DNAH1: variants seen among roughly 807,000 people sequenced by gnomAD.
DNAH1 encodes axonemal beta dynein heavy chain 1.
DNAH1 carries 327 observed loss-of-function variants against 484.3 expected under a neutral mutation model. The ratio of observed to expected loss-of-function variants is 0.68; its 90% CI spans 0.62 to 0.74. The LOEUF (loss-of-function observed/expected upper bound fraction) is 0.74. DNAH1 is among the 30% of genes least tolerant of loss of function. The pLI, the probability that DNAH1 is intolerant of heterozygous loss-of-function variation, is 0.00. For missense variants in DNAH1, 5,052 were observed against 5,546.8 expected, an observed-to-expected ratio of 0.91 and a Z score of 2.83; for synonymous variants, 2,192 against 2,191.9, an observed-to-expected ratio of 1.00 and a Z score of 0.00.
In DNAH1 at chr3:52,350,015, C is replaced by A. The variant is rs1329275992; in HGVS notation, c.2553C>A (p.Ser851Arg). Residue 851 changes from serine (S) to arginine (R), a missense_variant, in exon 15 of 78, where the codon AGC (serine) becomes AGA (arginine). This residue lies in a region of DNAH1 where 1,263 missense variants were observed against 1,218.8 expected (regional missense o/e 1.04). Coordinates refer to ENST00000420323, the MANE Select transcript of DNAH1 (RefSeq NM_015512.5). Reference protein sequence around the residue: ...DSICEEFRSISRKIYEKPNSI... With the variant: ...DSICEEFRSIRRKIYEKPNSI... ...TCTGCGAGGAGTTCCGCAGCATCAG[C>A]CGCAAGATCTATGAGAAGCCCAACA... 1 of 1,612,540 alleles carries A rather than the reference C, an allele frequency of 6.2e-7. No homozygotes were observed. The highest frequency in any genetic ancestry group is 1.7e-5 in the Admixed American group (1 of 59,888).
At position 52,384,897 on chromosome 3, in the gene DNAH1, C is replaced by T. The variant is rs374543995; in HGVS notation, c.8434C>T (p.His2812Tyr). The T allele has an allele frequency of 2.8e-5, 45 of 1,613,528 alleles. No homozygotes were observed. The highest frequency in any genetic ancestry group is 3.6e-5 in the Non-Finnish European group (42 of 1,179,732). ...VTPKSYLELL[H>Y]IFSILIGQKK... ...CCCCAAGAGCTACTTGGAGCTGCTT[C>T]ATATTTTCTCCATCCTCATCGGGCA... The change falls in exon 53 of 78, where the codon CAT (histidine) becomes TAT (tyrosine). Residue 2812 changes from histidine (H) to tyrosine (Y), a missense_variant. Physicochemically the swap from His to Tyr is moderately conservative, Grantham distance 83. Around this residue, in one of 4 missense-constraint regions of DNAH1, gnomAD observed 2,929 missense variants for 3,409.4 expected, o/e 0.86. Coordinates refer to ENST00000420323, the MANE Select transcript of DNAH1 (RefSeq NM_015512.5).
rs377440957 is a variant in DNAH1 at position 52,373,004 on chromosome 3, G to A, written c.6936G>A (p.Leu2312=). 42 of 1,613,494 alleles carry A rather than the reference G, an allele frequency of 2.6e-5. No homozygotes were observed. The highest frequency in any genetic ancestry group is 3.6e-5 in the Non-Finnish European group (42 of 1,179,874). Residue 2312 remains leucine (L), a synonymous_variant, in exon 44 of 78, where the codon CTG becomes CTA. Coordinates refer to ENST00000420323, the MANE Select transcript of DNAH1 (RefSeq NM_015512.5). ...ETYGAQPPIE[L]LRQWMDHGGW... is the part of the protein sequence containing the mutation. ...ACGGTGCACAGCCACCCATCGAGCT[G>A]TTGCGCCAGTGGATGGACCACGGCG...
chr3:52,336,488 A>G (rs1701747180), intron 8 of DNAH1, among the ~76,000 whole-genome samples: 1 of 152,138 alleles, frequency 6.6e-6, no homozygotes. Flanking sequence ...TAGGAGGTGG[A>G]GGTTGCAGTG....
Position 52,397,018 on chromosome 3 carries a change from C to T in DNAH1, c.11761C>T (p.Gln3921Ter). The T allele has an allele frequency of 6.2e-7, 1 of 1,609,120 alleles. No homozygotes were observed. The highest frequency in any genetic ancestry group is 8.5e-7 in the Non-Finnish European group (1 of 1,177,870). Residue 3921 changes from glutamine (Q) to a stop codon, truncating the protein, a stop_gained, in exon 73 of 78, where the codon CAG becomes TAG. Transcript: ENST00000420323. LOFTEE classifies it high-confidence loss of function. ...CTACAGCGCCTCGGGCATCTACCAC[C>T]AGATCCCGCCTACCTACGACCTCCA... ...HSYSASGIYHQIPPTYDLHGY... is the reference protein window; with the variant it reads ...HSYSASGIYH
chr3:52,351,011 G>A (rs904781205), intron 16 of DNAH1, among the ~76,000 whole-genome samples: 1 of 152,144 alleles, frequency 6.6e-6, no homozygotes, highest in Non-Finnish European at 1.5e-5. Flanking sequence ...CACCATGCCC[G>A]GCTAATTTTT....
intron 8 of DNAH1, among the ~76,000 whole-genome samples, chr3:52,335,378 T>G (rs1193455342): frequency 1.4e-5 from 2 of 145,854 alleles, no homozygotes; most frequent in African/African-American, 2.6e-5. Context: ...TTTTTTTTGC[T>G]TTTTAAACAA....
At chr3:52,386,416 C>A in intron 55 of DNAH1, 71 bp downstream of exon 55, 12 of 1,469,730 alleles carry the variant, frequency 8.2e-6, no homozygotes, top group Non-Finnish European at 1.1e-5. Flanking sequence ...TCTGCACATC[C>A]CCTGGGACCC....
At position 52,396,611 on chromosome 3, in the gene DNAH1, C is replaced by T; in HGVS notation, c.11431-7C>T. ...TCCTCACCTCCCCTGCCTCCCACCT[C>T]CCCCAGGTGATGGAGTTCAAGTCTC... On this transcript the variant is annotated splice_region_variant and splice_polypyrimidine_tract_variant and intron_variant, in intron 71 of 77. Transcript: ENST00000420323. 1 of 1,611,436 alleles carries T rather than the reference C, an allele frequency of 6.2e-7. No individual in the cohort carries two copies. The highest frequency in any genetic ancestry group is 1.1e-5 in the South Asian group (1 of 90,988).
At position 52,379,878 on chromosome 3, in the gene DNAH1, C is replaced by T. The variant is rs1703764314; in HGVS notation, c.7378-27C>T. ...TAGCTGAGGGCTTGGGGGCCAAGGA[C>T]AGGCACCGATGCTGGGGCTACTGCA... On this transcript the variant is annotated intron_variant, in intron 47 of 77. Coordinates refer to ENST00000420323, the MANE Select transcript of DNAH1 (RefSeq NM_015512.5). The surrounding 1 kb of genome is among the most constrained non-coding windows in gnomAD (Gnocchi z 4.4). 3 of 1,539,450 alleles carry T rather than the reference C, an allele frequency of 1.9e-6. No homozygotes were observed. The highest frequency in any genetic ancestry group is 2.6e-6 in the Non-Finnish European group (3 of 1,138,270).
chr3:52,324,625 T>C (rs1371917615), intron 3 of DNAH1, among the ~76,000 whole-genome samples: 1 of 152,042 alleles, frequency 6.6e-6, no homozygotes, highest in East Asian at 1.9e-4. Flanking sequence ...ACCAGTCCTC[T>C]TGGAGCCCAC....
At chr3:52,366,661 C>A in intron 35 of DNAH1, 72 bp from the exon 36 acceptor site, 1 of 1,567,036 alleles carries the variant, frequency 6.4e-7, no homozygotes, top group Non-Finnish European at 8.7e-7. Flanking sequence ...TACCCCTCCC[C>A]CTCCCCTTGG....
chr3:52,328,774 A>G (rs75609544), intron 6 of DNAH1, among the ~76,000 whole-genome samples: 290 of 152,348 alleles, frequency 1.9e-3, no homozygotes, highest in African/African-American at 6.7e-3. Context: ...TGTCGATGCA[A>G]CATCCTAGGA....
Position 52,397,655 on chromosome 3 carries a change from G to A in DNAH1, c.11788-52G>A, listed in dbSNP as rs390802. ...GTGCTCCATTGGAGGGTAACTCTGA[G>A]GGCTGGGGCAGAGCAAGCCAGGGGC... is the stretch of plus-strand genomic sequence containing the variant. On this transcript the variant is annotated intron_variant, in intron 73 of 77. Transcript: ENST00000420323. The A allele has an allele frequency of 0.17, 251,873 of 1,509,814 alleles. 22,294 individuals are homozygous for A. Among genetic ancestry groups the A allele is most frequent in the African/African-American group, 0.18 (13,093 of 71,650 alleles). The allele number at this position is 1,509,814 out of a possible 1,614,324, so 93.5% of individuals were successfully genotyped here. A position where few individuals can be genotyped will look rare whatever the true frequency, so the allele number is the denominator to read the frequency against.
At chr3:52,341,029 C>T (rs985229275) in intron 8 of DNAH1, among the ~76,000 whole-genome samples, 3 of 151,872 alleles carry the variant, frequency 2.0e-5, no homozygotes, top group African/African-American at 2.4e-5. Flanking sequence ...AAATTTGAAT[C>T]GATATAGCCA....
chr3:52,369,676 T>C (rs1299892137), intron 37 of DNAH1, 149 bp from the exon 38 acceptor site: 7 of 812,938 alleles, frequency 8.6e-6, no homozygotes, highest in Admixed American at 5.8e-5. Flanking sequence ...ACCCAGCGGT[T>C]CCTGTCCCAC....
At position 52,344,548 on chromosome 3, in the gene DNAH1, A is replaced by G. The variant is rs759475295; in HGVS notation, c.1345A>G (p.Met449Val). 2.0e-5 allele frequency: 32 copies of G among 1,614,048 alleles called. No individual in the cohort carries two copies. The highest frequency in any genetic ancestry group is 2.7e-5 in the Non-Finnish European group (32 of 1,179,872). ...AGTGAGCCTGGACTATGAGCGCAGC[A>G]TGAACAAGATCAACTTTGACCACGT... is the stretch of plus-strand genomic sequence containing the variant. ...REVSLDYERS[M>V]NKINFDHVVS... Residue 449 changes from methionine (M) to valine (V), a missense_variant, in exon 9 of 78, where the codon ATG becomes GTG. Physicochemically the swap from Met to Val is conservative, Grantham distance 21. Coordinates refer to ENST00000420323, the MANE Select transcript of DNAH1 (RefSeq NM_015512.5).
Position 52,326,795 on chromosome 3 carries a change from C to A in DNAH1, c.642C>A (p.Asp214Glu). 2 of 1,613,806 alleles carry A rather than the reference C, an allele frequency of 1.2e-6. No homozygotes were observed. Among genetic ancestry groups the A allele is most frequent in the Non-Finnish European group, 1.7e-6 (2 of 1,179,816 alleles). Residue 214 changes from aspartate to glutamate, a missense_variant, in exon 5 of 78, where the codon GAC becomes GAA. By Grantham distance (45) the Asp-to-Glu change is conservative. Transcript: ENST00000420323. ...IEQLLFSQGI[D>E]SNKLMPRHLD... ...AGTTGCTGTTCAGCCAGGGCATCGACTCCAACAAGCTCATGCCCAGGCACC... is the reference window on the plus strand; with the variant it reads ...AGTTGCTGTTCAGCCAGGGCATCGAATCCAACAAGCTCATGCCCAGGCACC...
Position 52,386,324 on chromosome 3 carries a change from C to T in DNAH1, c.8790C>T (p.Leu2930=), listed in dbSNP as rs1054171638. ...LDAALASLRN[L]NKNDVTEVRA... ...CGGCTCTGGCCAGCCTGCGCAACCT[C>T]AACAAGAACGATGTGACCGAGGTGG... Residue 2930 remains leucine (L), a synonymous_variant, in exon 55 of 78, where the codon CTC becomes CTT. Transcript: ENST00000420323. 6.3e-7 allele frequency: 1 copy of T among 1,587,750 alleles called. No homozygotes were observed. The highest frequency in any genetic ancestry group is 1.7e-4 in the Middle Eastern group (1 of 6,002).
At position 52,396,779 on chromosome 3, in the gene DNAH1, T is replaced by C. The variant is rs1376050723; in HGVS notation, c.11592T>C (p.Tyr3864=). The C allele has an allele frequency of 2.5e-6, 4 of 1,613,626 alleles. No homozygotes were observed. The South Asian group carries it at 4.4e-5, about 18-fold the overall frequency. The change falls in exon 72 of 78, where the codon TAT becomes TAC. Residue 3864 remains tyrosine (Y), a synonymous_variant. Coordinates refer to ENST00000420323, the MANE Select transcript of DNAH1 (RefSeq NM_015512.5). ...ISQLKMFLDE[Y]DDIPYKVLKY... ...AGCTCAAGATGTTCCTGGACGAATA[T>C]GATGACATCCCCTACAAGGTGGGCC...
Sources: allele counts gnomAD v4.1 joint callset (sites outside exome capture counted in the v4.1 genomes callset), GRCh38; gene constraint gnomAD v4.1.1; regional missense constraint gnomAD v4.1.1; non-coding constraint Gnocchi (gnomAD v3.1); transcripts MANE v1.5; gene names NCBI Gene and HGNC (gene_info 2026-07-23, HGNC 2026-07-21).